The following SAMD4B variants were observed in gnomAD, a reference collection of about 807,000 sequenced individuals.
SAMD4B encodes the protein sterile alpha motif domain containing 4B.
Under a neutral mutation model 74.5 loss-of-function variants are expected in SAMD4B, and 5 were observed. That is an observed-to-expected ratio of 0.07 (90% CI 0.04 to 0.14). The LOEUF (loss-of-function observed/expected upper bound fraction) is 0.14. Among genes scored for constraint, SAMD4B ranks in the 10% least tolerant of loss-of-function variants. The pLI is 1.00. For missense variants in SAMD4B, 608 were observed against 921.8 expected (o/e 0.66, Z 4.41); for synonymous variants, 373 against 374.9 (o/e 1.00, Z 0.06).
chr19:39,383,692 C>T lies in SAMD4B; in HGVS notation c.*165C>T. The T allele has an allele frequency of 6.5e-7, 1 of 1,545,868 alleles. No individual in the cohort carries two copies. Among genetic ancestry groups the T allele is most frequent in the Non-Finnish European group, 8.7e-7 (1 of 1,150,794 alleles). ...AACTTTTGTTTAACATTGGCACATGCCTTGCTCACTCCCAGGCCCGTCGAG... is the reference window on the plus strand; with the variant it reads ...AACTTTTGTTTAACATTGGCACATGTCTTGCTCACTCCCAGGCCCGTCGAG... On this transcript the variant is annotated 3_prime_UTR_variant, in exon 14 of 14. Coordinates refer to ENST00000610417, the MANE Select transcript of SAMD4B (RefSeq NM_001384574.2). The surrounding 1 kb of genome is among the most constrained non-coding windows in gnomAD (Gnocchi z 4.1).
At chr19:39,380,564 C>G (rs2077904727) in intron 10 of SAMD4B, 23 bp from the exon 11 acceptor site, 1 of 1,613,548 alleles carries the variant, frequency 6.2e-7, no homozygotes, top group South Asian at 1.1e-5. Context: ...TAAATTAACA[C>G]CCTGCCTTCT....
Position 39,356,986 on chromosome 19 carries a change from A to G in SAMD4B, c.93A>G (p.Lys31=), listed in dbSNP as rs1170416583. 1 of 1,613,940 alleles carries G rather than the reference A, an allele frequency of 6.2e-7. No homozygotes were observed. Among genetic ancestry groups the G allele is most frequent in the African/African-American group, 1.3e-5 (1 of 74,930 alleles). Residue 31 remains lysine (K), a synonymous_variant, in exon 3 of 14, where the codon AAA becomes AAG. Coordinates refer to ENST00000610417, the MANE Select transcript of SAMD4B (RefSeq NM_001384574.2). ...CAGTGGCCCTCCTGTCACTTCTGAAACGGGTCACCCGTACCCAGGCCCGCT... is the reference window on the plus strand; with the variant it reads ...CAGTGGCCCTCCTGTCACTTCTGAAGCGGGTCACCCGTACCCAGGCCCGCT... The part of the protein sequence containing the change: ...EQTVALLSLL[K]RVTRTQARFL...
At position 39,356,758 on chromosome 19, in the gene SAMD4B, C is replaced by A; in HGVS notation, c.-136C>A. 1 of 676,136 alleles carries A rather than the reference C, an allele frequency of 1.5e-6. No individual in the cohort carries two copies. Among genetic ancestry groups the A allele is most frequent in the South Asian group, 2.2e-5 (1 of 45,930 alleles). The allele number at this position is 676,136 out of a possible 1,614,324, so 41.9% of individuals were successfully genotyped here. ...GCAGGCTTCCTCCTCCCCCAACAACCGTTGCCACCACGCCCAGAAACGTCC... is the reference window on the plus strand; with the variant it reads ...GCAGGCTTCCTCCTCCCCCAACAACAGTTGCCACCACGCCCAGAAACGTCC... On this transcript the variant is annotated 5_prime_UTR_variant, in exon 3 of 14. Coordinates refer to ENST00000610417, the MANE Select transcript of SAMD4B (RefSeq NM_001384574.2).
chr19:39,386,721 G>C (rs765947355), downstream of SAMD4B: 25 of 1,613,838 alleles, frequency 1.5e-5, no homozygotes, highest in Non-Finnish European at 2.0e-5. This position sits in a 1 kb window ranked among gnomAD's most constrained non-coding sequence, Gnocchi z 6.1. Context: ...TCTCATTCAT[G>C]TCCCGATGTT....
intron 3 of SAMD4B, among the ~76,000 whole-genome samples, chr19:39,365,413 G>T (rs1192362102): frequency 6.6e-6 from 1 of 152,110 alleles, no homozygotes; most frequent in African/African-American, 2.4e-5. Flanking sequence ...AATTAGCCAG[G>T]TGTGGTGGCG....
chr19:39,349,556 G>T (rs1189989366), intron 1 of SAMD4B, among the ~76,000 whole-genome samples: 1 of 152,136 alleles, frequency 6.6e-6, no homozygotes, highest in Non-Finnish European at 1.5e-5. Flanking sequence ...ACGTATTTCA[G>T]GAGTTTCTGG....
At chr19:39,350,043 ATATTCATATATGTATGT>A (rs1315784977) in intron 1 of SAMD4B, 9 of 152,216 alleles carry the variant, frequency 5.9e-5, no homozygotes, top group Non-Finnish European at 1.5e-5. Context: ...AAATGATAAT[ATATTCATATATGTATGT>A]TATATATTTT....
At chr19:39,370,784 A>G (rs1315330114) in intron 4 of SAMD4B, among the ~76,000 whole-genome samples, 1 of 152,374 alleles carries the variant, frequency 6.6e-6, no homozygotes, top group East Asian at 1.9e-4. Flanking sequence ...AGCATTGACT[A>G]TGCTAGGTAC....
chr19:39,385,715 G>A (rs1462964508), downstream of SAMD4B: 6 of 536,762 alleles, frequency 1.1e-5, no homozygotes, highest in Non-Finnish European at 1.6e-5. Flanking sequence ...GACCTTCGTT[G>A]TGCTACATTT....
At position 39,381,021 on chromosome 19, in the gene SAMD4B, A is replaced by G. The variant is rs780703887; in HGVS notation, c.1880A>G (p.Asn627Ser). The G allele has an allele frequency of 3.1e-6, 5 of 1,612,818 alleles. No homozygotes were observed. The highest frequency in any genetic ancestry group is 2.5e-6 in the Non-Finnish European group (3 of 1,179,712). Residue 627 changes from asparagine to serine, a missense_variant, in exon 12 of 14, where the codon AAC (asparagine) becomes AGC (serine). By Grantham distance (46) the Asn-to-Ser change is conservative. Transcript: ENST00000610417. ...TGGTTTGCCAACCCTGGAGGCAGCA[A>G]CAGCATGCCCAGTCAGAGCCGCAGC... ...NLWFANPGGS[N>S]SMPSQSRSSV...
At chr19:39,371,887 A>G (rs543862716) in intron 4 of SAMD4B, among the ~76,000 whole-genome samples, 2 of 152,166 alleles carry the variant, frequency 1.3e-5, no homozygotes, top group East Asian at 1.9e-4. Context: ...AACTTTATAC[A>G]TATAAACTCA....
intron 4 of SAMD4B, among the ~76,000 whole-genome samples, chr19:39,371,755 G>A: frequency 6.6e-6 from 1 of 151,864 alleles, no homozygotes; most frequent in East Asian, 1.9e-4. Flanking sequence ...AGGTGGAGGT[G>A]GCAGTGAGCC....
chr19:39,387,755 T>C (rs1278014329), downstream of SAMD4B, among the ~76,000 whole-genome samples: 2 of 152,246 alleles, frequency 1.3e-5, no homozygotes, highest in Non-Finnish European at 1.5e-5. Context: ...CTCCATACTT[T>C]GGCAATGTTT....
chr19:39,386,490 C>G, downstream of SAMD4B: 1 of 1,614,178 alleles, frequency 6.2e-7, no homozygotes, highest in Non-Finnish European at 8.5e-7. The surrounding 1 kb of genome is among the most constrained non-coding windows in gnomAD (Gnocchi z 6.1). Flanking sequence ...ACCTGAGCCC[C>G]CAGCTTCTTT....
intron 2 of SAMD4B, among the ~76,000 whole-genome samples, chr19:39,354,911 C>T (rs2076257606): frequency 6.6e-6 from 1 of 152,104 alleles, no homozygotes; most frequent in Non-Finnish European, 1.5e-5. Context: ...GTTTCCCTGT[C>T]ACCCAGGCTG....
chr19:39,365,443 A>C (rs1320371114), intron 3 of SAMD4B, among the ~76,000 whole-genome samples: 2 of 151,674 alleles, frequency 1.3e-5, no homozygotes. Flanking sequence ...AATCCCAGCT[A>C]CTGGTGGGGG....
chr19:39,389,951 T>C, downstream of SAMD4B: 10 of 1,045,982 alleles, frequency 9.6e-6, no homozygotes, highest in South Asian at 1.4e-4. The surrounding 1 kb of genome is among the most constrained non-coding windows in gnomAD (Gnocchi z 5.3). Flanking sequence ...GAGCAGCTAC[T>C]ACTATGTGCT....
chr19:39,348,738 A>T (rs931859448), intron 1 of SAMD4B, among the ~76,000 whole-genome samples: 5 of 152,340 alleles, frequency 3.3e-5, no homozygotes, highest in African/African-American at 1.2e-4. Context: ...GTCAGGACAG[A>T]ATCAGGAAGG....
chr19:39,343,467 C>T (rs1321011917), intron 1 of SAMD4B, among the ~76,000 whole-genome samples: 1 of 150,326 alleles, frequency 6.7e-6, no homozygotes, highest in African/African-American at 2.5e-5. Context: ...AAGACTCCAT[C>T]CCCCTCCCCA....
Sources: gnomAD v4.1 joint callset for allele counts (sites outside exome capture counted in the v4.1 genomes callset) on GRCh38, gnomAD v4.1.1 for gene constraint, Gnocchi (gnomAD v3.1) non-coding constraint, MANE v1.5 for transcripts, NCBI Gene and HGNC (gene_info 2026-07-23, HGNC 2026-07-21) for gene names.